SPON1: variants seen among roughly 807,000 people sequenced by gnomAD.
SPON1 encodes spondin-1.
SPON1 carries 52 observed loss-of-function variants against 111.7 expected under a neutral mutation model. The observed-to-expected ratio is 0.47, with a 90% CI of 0.37 to 0.59. The LOEUF is 0.59. Among genes scored for constraint, SPON1 ranks in the 20% least tolerant of loss-of-function variants. SPON1 has a pLI of 0.00. For missense variants in SPON1, 957 were observed against 1,068.5 expected (o/e 0.90, Z 1.46); for synonymous variants, 410 against 395.8 (o/e 1.04, Z -0.43).
chr11:14,062,953 G>T (rs1554919999), intron 3 of SPON1, among the ~76,000 whole-genome samples: 1 of 151,968 alleles, frequency 6.6e-6, no homozygotes, highest in Non-Finnish European at 1.5e-5. Context: ...ACCTGGTTTT[G>T]CTCTTGTTCC....
At chr11:14,044,475 G>C (rs1848653783) in intron 3 of SPON1, among the ~76,000 whole-genome samples, 1 of 152,042 alleles carries the variant, frequency 6.6e-6, no homozygotes, top group African/African-American at 2.4e-5. Context: ...AGCTGGGCGT[G>C]GTGGTGCGCA....
intron 6 of SPON1, among the ~76,000 whole-genome samples, chr11:14,237,637 T>G (rs1268823670): frequency 1.3e-5 from 2 of 152,196 alleles, no homozygotes; most frequent in Non-Finnish European, 2.9e-5. Flanking sequence ...ATGCACACTG[T>G]GTGTGTGGCT....
chr11:14,173,865 G>A (rs1232337890), intron 6 of SPON1, among the ~76,000 whole-genome samples: 4 of 151,230 alleles, frequency 2.6e-5, no homozygotes, highest in African/African-American at 9.8e-5. Flanking sequence ...TTGTCTCAGA[G>A]GAGCACCTGG....
intron 5 of SPON1, among the ~76,000 whole-genome samples, chr11:14,105,940 C>T (rs1564906483): frequency 6.6e-6 from 1 of 152,188 alleles, no homozygotes. Flanking sequence ...CCCATTACCA[C>T]TGAGAGGGGT....
chr11:13,980,048 T>C (rs1454775989), intron 1 of SPON1, among the ~76,000 whole-genome samples: 2 of 149,956 alleles, frequency 1.3e-5, no homozygotes, highest in African/African-American at 4.8e-5. Flanking sequence ...CCTCATTCCT[T>C]CTTTTTTTTT....
chr11:14,260,499 G>C, intron 13 of SPON1, 89 bp from the exon 14 acceptor site: 1 of 1,416,212 alleles, frequency 7.1e-7, no homozygotes, highest in South Asian at 1.4e-5. Context: ...GCCAAAGCAG[G>C]GGACTCGGTG....
At chr11:13,982,826 T>G in intron 1 of SPON1, 21 bp from the exon 2 acceptor site, 2 of 1,495,074 alleles carry the variant, frequency 1.3e-6, no homozygotes, top group Non-Finnish European at 1.8e-6. Flanking sequence ...ACTTAAAACC[T>G]GCTTTTTTCT....
chr11:14,031,082 G>A (rs181324715), intron 2 of SPON1, among the ~76,000 whole-genome samples: 4 of 152,252 alleles, frequency 2.6e-5, no homozygotes, highest in East Asian at 1.9e-4. Flanking sequence ...GCCATCATCC[G>A]AAGCAAATTA....
intron 5 of SPON1, among the ~76,000 whole-genome samples, chr11:14,113,892 C>T (rs1256956429): frequency 2.0e-5 from 3 of 151,994 alleles, no homozygotes; most frequent in African/African-American, 4.8e-5. Context: ...GCGTGAGCCA[C>T]CGCGCCTGGC....
chr11:14,238,583 G>A (rs1341740103), intron 6 of SPON1, among the ~76,000 whole-genome samples: 4 of 152,100 alleles, frequency 2.6e-5, no homozygotes, highest in Non-Finnish European at 5.9e-5. Flanking sequence ...AGACCACCCT[G>A]TTTATCTCCT....
chr11:13,997,727 G>T (rs1554911961), intron 2 of SPON1, among the ~76,000 whole-genome samples: 5 of 152,188 alleles, frequency 3.3e-5, no homozygotes. Context: ...ATTGTAATAG[G>T]ATTGGGATCG....
intron 2 of SPON1, among the ~76,000 whole-genome samples, chr11:13,986,366 T>A (rs1848184677): frequency 1.3e-5 from 2 of 152,214 alleles, no homozygotes; most frequent in African/African-American, 4.8e-5. Context: ...AAAATTCTAA[T>A]ACTCATTCAT....
chr11:14,160,278 GA>G (rs1847894377), intron 6 of SPON1, among the ~76,000 whole-genome samples: 1 of 123,146 alleles, frequency 8.1e-6, no homozygotes, highest in Non-Finnish European at 1.7e-5. Context: ...AGTTACAACT[GA>G]AAAAAGTTGA....
At chr11:13,966,077 G>C (rs1848013714) in intron 1 of SPON1, among the ~76,000 whole-genome samples, 2 of 152,140 alleles carry the variant, frequency 1.3e-5, no homozygotes, top group South Asian at 4.1e-4. Context: ...CTGAAACATG[G>C]AGTTTCTTCC....
intron 3 of SPON1, among the ~76,000 whole-genome samples, chr11:14,059,573 A>G (rs782592814): frequency 6.6e-6 from 1 of 152,132 alleles, no homozygotes; most frequent in Non-Finnish European, 1.5e-5. Flanking sequence ...AGGCAGAGAG[A>G]CCAGAGGGGC....
chr11:14,256,544 CCT>C, intron 9 of SPON1, 71 bp from the exon 10 acceptor site: 1 of 1,034,492 alleles, frequency 9.7e-7, no homozygotes. Context: ...AGATTTTAGT[CCT>C]CTTTCACCTT....
intron 7 of SPON1, among the ~76,000 whole-genome samples, chr11:14,254,182 G>A (rs782523896): frequency 6.6e-6 from 1 of 152,228 alleles, no homozygotes; most frequent in African/African-American, 2.4e-5. Flanking sequence ...ATGGGAGGTT[G>A]AGGTGCAAGG....
chr11:14,175,014 G>C (rs1289319448), intron 6 of SPON1, among the ~76,000 whole-genome samples: 5 of 126,836 alleles, frequency 3.9e-5, no homozygotes. Flanking sequence ...GAAAATTAAA[G>C]AGAGGAAATC....
intron 3 of SPON1, among the ~76,000 whole-genome samples, chr11:14,065,923 G>C (rs1200495786): frequency 6.6e-6 from 1 of 152,206 alleles, no homozygotes; most frequent in Non-Finnish European, 1.5e-5. Context: ...TAAGACACTA[G>C]TCCCTGGACT....
Sources: gnomAD v4.1 joint callset for allele counts (sites outside exome capture counted in the v4.1 genomes callset) on GRCh38, gnomAD v4.1.1 for gene constraint, MANE v1.5 for transcripts, NCBI Gene and HGNC (gene_info 2026-07-23, HGNC 2026-07-21) for gene names.